NAALADL2: variants seen among roughly 807,000 people sequenced by gnomAD.
The protein encoded by NAALADL2 is inactive N-acetylated-alpha-linked acidic dipeptidase-like protein 2.
In NAALADL2, 76 loss-of-function variants were observed where a neutral mutation model predicts 87.2. That is an observed-to-expected ratio of 0.87 (90% CI 0.72 to 1.05). NAALADL2 has a LOEUF of 1.05. NAALADL2 is among the 50% of genes least tolerant of loss of function. NAALADL2 has a pLI of 0.00. For synonymous variants in NAALADL2, 354 were observed against 331.0 expected, an observed-to-expected ratio of 1.07 and a Z score of -0.75; for missense variants, 1,089 against 945.8, an observed-to-expected ratio of 1.15 and a Z score of -1.99.
chr3:175,193,106 T>C (rs563128468), intron 2 of NAALADL2, among the ~76,000 whole-genome samples: 6 of 152,120 alleles, frequency 3.9e-5, no homozygotes, highest in African/African-American at 1.4e-4. Flanking sequence ...TTTATATTTT[T>C]AATCTACAAA....
chr3:174,935,558 A>G (rs1027878443), intron 1 of NAALADL2, among the ~76,000 whole-genome samples: 1 of 152,172 alleles, frequency 6.6e-6, no homozygotes, highest in Non-Finnish European at 1.5e-5. Flanking sequence ...TAGTACTGGA[A>G]ATAATTTAAC....
Position 175,686,032 on chromosome 3 carries a change from T to G in NAALADL2, c.1897-51274T>G, listed in dbSNP as rs747883441. ...ACAAATAATTGTCCTAACCTCAATTTCTGTATTTGTTGGATTTAGCTGCTT... is the reference window on the plus strand; with the variant it reads ...ACAAATAATTGTCCTAACCTCAATTGCTGTATTTGTTGGATTTAGCTGCTT... On this transcript the variant is annotated intron_variant, in intron 11 of 13. Coordinates refer to ENST00000454872, the MANE Select transcript of NAALADL2 (RefSeq NM_207015.3). Among the ~76,000 whole-genome samples, 13 of 152,254 alleles carry G rather than the reference T, an allele frequency of 8.5e-5. No individual in the cohort carries two copies. In the East Asian group the frequency reaches 2.1e-3, roughly 25 times the overall value.
chr3:175,011,820 T>A (rs1342726751), intron 1 of NAALADL2, among the ~76,000 whole-genome samples: 1 of 152,162 alleles, frequency 6.6e-6, no homozygotes, highest in Non-Finnish European at 1.5e-5. Flanking sequence ...CAGCAGACTA[T>A]CTTGATATCC....
At chr3:175,646,464 C>T (rs185744768) in intron 11 of NAALADL2, among the ~76,000 whole-genome samples, 104 of 152,124 alleles carry the variant, frequency 6.8e-4, no homozygotes, top group African/African-American at 2.3e-3. Context: ...TGGGACAACA[C>T]GTTGCATTTG....
At chr3:175,578,647 A>G (rs1262060998) in intron 10 of NAALADL2, among the ~76,000 whole-genome samples, 1 of 152,222 alleles carries the variant, frequency 6.6e-6, no homozygotes, top group African/African-American at 2.4e-5. Context: ...GTAAAGATTA[A>G]TAAATGGCCA....
At chr3:175,276,016 T>C (rs1753540603) in intron 4 of NAALADL2, among the ~76,000 whole-genome samples, 1 of 151,516 alleles carries the variant, frequency 6.6e-6, no homozygotes, top group Non-Finnish European at 1.5e-5. Context: ...AAACAATAAA[T>C]TTCTACAAAA....
chr3:174,540,008 G>T (rs1251351312), intron 1 of NAALADL2, among the ~76,000 whole-genome samples: 3 of 98,230 alleles, frequency 3.1e-5, no homozygotes, highest in African/African-American at 1.1e-4. Context: ...AAAAAAAAAA[G>T]CTGCCTGATG....
In NAALADL2 at chr3:174,808,186, A is replaced by G. The variant is rs192016062; in HGVS notation, c.-9+70440A>G. 5.2e-3 allele frequency among the ~76,000 whole-genome samples: 789 copies of G among 152,240 alleles called. 6 individuals are homozygous for G. The highest frequency in any genetic ancestry group is 8.3e-3 in the Non-Finnish European group (562 of 67,976). ...TACAGGTATCATTTGCCATGAACAAATTCACTATGAAGAGTTGATGCTTAG... is the reference window on the plus strand; with the variant it reads ...TACAGGTATCATTTGCCATGAACAAGTTCACTATGAAGAGTTGATGCTTAG... On this transcript the variant is annotated intron_variant, in intron 3 of 3. Transcript: ENST00000434257.
At chr3:174,505,448 G>A (rs2108377826) in intron 1 of NAALADL2, among the ~76,000 whole-genome samples, 1 of 152,312 alleles carries the variant, frequency 6.6e-6, no homozygotes, top group Non-Finnish European at 1.5e-5. Flanking sequence ...AAATGCCAGA[G>A]AAGGTTTAAG....
chr3:175,221,355 T>C (rs1375490626), intron 2 of NAALADL2, among the ~76,000 whole-genome samples: 1 of 152,182 alleles, frequency 6.6e-6, no homozygotes, highest in African/African-American at 2.4e-5. Flanking sequence ...ATATATACTG[T>C]GTGGTTTTTG....
chr3:175,731,362 G>C (rs1159124428), intron 11 of NAALADL2, among the ~76,000 whole-genome samples: 1 of 152,124 alleles, frequency 6.6e-6, no homozygotes, highest in Non-Finnish European at 1.5e-5. Context: ...TTTGGTTATT[G>C]ATATTTTAGC....
At chr3:174,678,321 C>T (rs1156646444) in intron 2 of NAALADL2, among the ~76,000 whole-genome samples, 1 of 152,122 alleles carries the variant, frequency 6.6e-6, no homozygotes, top group African/African-American at 2.4e-5. Context: ...CTTTGCAGAG[C>T]TTTTTCTTAG....
chr3:174,852,968 C>G (rs1222086084), intron 3 of NAALADL2, among the ~76,000 whole-genome samples: 1 of 151,964 alleles, frequency 6.6e-6, no homozygotes, highest in African/African-American at 2.4e-5. Flanking sequence ...AAAATACAGT[C>G]TCTTCAATGA....
intron 4 of NAALADL2, among the ~76,000 whole-genome samples, chr3:175,262,999 CA>C (rs71626206): frequency 0.47 from 61,080 of 128,806 alleles, 12,759 homozygotes; most frequent in East Asian, 0.63. Flanking sequence ...GAAGTAATTG[CA>C]AAAAAAAAAA....
chr3:175,196,226 A>T (rs768610302), intron 2 of NAALADL2, among the ~76,000 whole-genome samples: 2 of 151,878 alleles, frequency 1.3e-5, no homozygotes, highest in Non-Finnish European at 2.9e-5. Flanking sequence ...TTTATAGAGA[A>T]GGGAAGTCCT....
intron 13 of NAALADL2, among the ~76,000 whole-genome samples, chr3:175,760,403 G>A (rs1254280306): frequency 6.6e-6 from 1 of 152,150 alleles, no homozygotes; most frequent in African/African-American, 2.4e-5. Flanking sequence ...AAGGGGAGAG[G>A]GAAAGGGCAC....
chr3:175,433,686 T>C (rs1718156378), intron 5 of NAALADL2, among the ~76,000 whole-genome samples: 1 of 152,038 alleles, frequency 6.6e-6, no homozygotes, highest in African/African-American at 2.4e-5. Context: ...TAGACTTTTA[T>C]CCCTAGCCTT....
At chr3:174,885,889 T>TAGATGGAG (rs1560324341) in intron 1 of NAALADL2, among the ~76,000 whole-genome samples, 4 of 21,868 alleles carry the variant, frequency 1.8e-4, no homozygotes, top group South Asian at 2.0e-3. Context: ...TTTTTTTTTT[T>TAGATGGAG]TTTTTTTTTT....
intron 4 of NAALADL2, 125 bp from the exon 5 acceptor site, chr3:175,324,041 AAAGAAAAAG>A (rs1197268928): frequency 1.3e-5 from 7 of 527,886 alleles, no homozygotes; most frequent in Admixed American, 3.7e-5. Context: ...AAAAAAAAAA[AAAGAAAAAG>A]AAAAAGAAAA....
Sources: allele counts gnomAD v4.1 joint callset (sites outside exome capture counted in the v4.1 genomes callset), GRCh38; gene constraint gnomAD v4.1.1; transcripts MANE v1.5; gene names NCBI Gene and HGNC (gene_info 2026-07-23, HGNC 2026-07-21).